Variants in RIMS2 observed in about 807,000 individuals in gnomAD.
The protein encoded by RIMS2 is regulating synaptic membrane exocytosis 2, also known as regulating synaptic membrane exocytosis protein 2.
Under a neutral mutation model 174.4 loss-of-function variants are expected in RIMS2, and 59 were observed. The ratio of observed to expected loss-of-function variants is 0.34; its 90% CI spans 0.27 to 0.42. RIMS2 has a LOEUF of 0.42. RIMS2 is among the 10% of genes least tolerant of loss of function. The probability of loss-of-function intolerance (pLI) is 1.00; values close to 1 mark genes in which losing one functional copy is unlikely to be tolerated. For missense variants in RIMS2, 1,620 were observed against 1,666.3 expected (o/e 0.97, Z 0.48); for synonymous variants, 606 against 572.5 (o/e 1.06, Z -0.84).
At chr8:103,895,113 A>G (rs1401612419) in intron 4 of RIMS2, among the ~76,000 whole-genome samples, 3 of 150,756 alleles carry the variant, frequency 2.0e-5, no homozygotes, top group East Asian at 1.9e-4. Flanking sequence ...ACAATTTATT[A>G]TAGGAAATAA....
intron 19 of RIMS2, among the ~76,000 whole-genome samples, chr8:104,126,273 G>GA (rs1250968617): frequency 6.6e-6 from 1 of 152,110 alleles, no homozygotes; most frequent in Non-Finnish European, 1.5e-5. Flanking sequence ...TGTATAAATG[G>GA]AAAAATAGTT....
At chr8:104,042,096 T>C (rs1477974598) in intron 19 of RIMS2, among the ~76,000 whole-genome samples, 1 of 151,374 alleles carries the variant, frequency 6.6e-6, no homozygotes, top group Non-Finnish European at 1.5e-5. Flanking sequence ...ATAAAATATG[T>C]ATGTACATGT....
intron 3 of RIMS2, among the ~76,000 whole-genome samples, chr8:103,878,005 C>G (rs116732407): frequency 0.025 from 3,845 of 151,688 alleles, 156 homozygotes; most frequent in African/African-American, 0.086. Flanking sequence ...ATTGTAATCC[C>G]CTGGTGTTTA....
At chr8:104,236,066 AT>A (rs10699488) in intron 19 of RIMS2, among the ~76,000 whole-genome samples, 150 of 146,350 alleles carry the variant, frequency 1.0e-3, no homozygotes, top group Admixed American at 1.3e-3. Context: ...AACATTCTGG[AT>A]TTTTTTTTTT....
chr8:103,926,555 T>C (rs1368385233), intron 10 of RIMS2, among the ~76,000 whole-genome samples: 2 of 151,588 alleles, frequency 1.3e-5, no homozygotes, highest in Non-Finnish European at 3.0e-5. Flanking sequence ...TTTAGATTTA[T>C]GTCTTAAATA....
chr8:103,803,634 G>T (rs2098630502), intron 3 of RIMS2, among the ~76,000 whole-genome samples: 1 of 152,200 alleles, frequency 6.6e-6, no homozygotes, highest in Non-Finnish European at 1.5e-5. Flanking sequence ...AGCTAGTAGA[G>T]TATGGCAAAG....
intron 19 of RIMS2, among the ~76,000 whole-genome samples, chr8:104,210,828 T>C (rs1365996465): frequency 6.6e-6 from 1 of 152,244 alleles, no homozygotes; most frequent in Non-Finnish European, 1.5e-5. Context: ...TGAAGCAATA[T>C]GTCCTAATAT....
intron 19 of RIMS2, among the ~76,000 whole-genome samples, chr8:104,151,328 G>A (rs1396642823): frequency 6.6e-6 from 1 of 152,182 alleles, no homozygotes; most frequent in African/African-American, 2.4e-5. Context: ...CAGCACTTTG[G>A]GAGGCCAAGG....
At chr8:103,569,766 G>A (rs2092670004) in intron 1 of RIMS2, among the ~76,000 whole-genome samples, 1 of 151,168 alleles carries the variant, frequency 6.6e-6, no homozygotes, top group East Asian at 1.9e-4. Flanking sequence ...ACAAGCATGT[G>A]CTACTGCCCC....
At chr8:104,071,767 G>A (rs1048881044) in intron 19 of RIMS2, among the ~76,000 whole-genome samples, 1 of 152,150 alleles carries the variant, frequency 6.6e-6, no homozygotes, top group Non-Finnish European at 1.5e-5. Flanking sequence ...TCTATCAGAT[G>A]ATTCTGATGT....
chr8:104,065,151 G>T (rs1370659372), intron 19 of RIMS2, among the ~76,000 whole-genome samples: 1 of 152,016 alleles, frequency 6.6e-6, no homozygotes, highest in Admixed American at 6.6e-5. Flanking sequence ...TTTATTGCAG[G>T]TTTTTGAGGG....
chr8:103,862,855 G>A (rs542270643), intron 3 of RIMS2, among the ~76,000 whole-genome samples: 5 of 151,720 alleles, frequency 3.3e-5, no homozygotes, highest in Non-Finnish European at 7.4e-5. Context: ...TATTTATTAA[G>A]TCTAGGAATC....
intron 19 of RIMS2, among the ~76,000 whole-genome samples, chr8:104,173,233 A>C (rs1439766997): frequency 6.6e-6 from 1 of 152,186 alleles, no homozygotes; most frequent in Non-Finnish European, 1.5e-5. Flanking sequence ...AAATTGTTTA[A>C]AATGAGTATT....
chr8:103,790,724 A>G (rs1158185317), intron 3 of RIMS2, among the ~76,000 whole-genome samples: 1 of 152,140 alleles, frequency 6.6e-6, no homozygotes, highest in Non-Finnish European at 1.5e-5. Context: ...TTCTTTGGAG[A>G]AATATCAAAT....
chr8:103,936,662 A>G lies in RIMS2; in HGVS notation c.2487A>G (p.Leu829=), dbSNP rs2081306867. 4 of 1,611,640 alleles carry G rather than the reference A, an allele frequency of 2.5e-6. No homozygotes were observed. In the South Asian group the frequency reaches 4.4e-5, roughly 18 times the overall value. ...GAAGAGAATTTCGGGAACGAATGCTAGAGATTACCCTTTGGGATCAAGCTC... is the reference window on the plus strand; with the variant it reads ...GAAGAGAATTTCGGGAACGAATGCTGGAGATTACCCTTTGGGATCAAGCTC... Residue 829 remains leucine, a synonymous_variant, in exon 13 of 24, where the codon CTA becomes CTG. Transcript: ENST00000504942.
intron 2 of RIMS2, among the ~76,000 whole-genome samples, chr8:103,718,378 G>GT (rs2138302001): frequency 6.6e-6 from 1 of 152,232 alleles, no homozygotes; most frequent in Admixed American, 6.5e-5. Context: ...CAGTTACCCT[G>GT]TTTTTTCTCA....
At chr8:103,991,083 T>C (rs2154550570) in intron 17 of RIMS2, among the ~76,000 whole-genome samples, 1 of 152,000 alleles carries the variant, frequency 6.6e-6, no homozygotes, top group African/African-American at 2.4e-5. Context: ...TCCTACAATG[T>C]GCATTTTTAT....
chr8:103,854,851 T>A (rs1373913156), intron 3 of RIMS2, among the ~76,000 whole-genome samples: 2 of 152,050 alleles, frequency 1.3e-5, no homozygotes, highest in Admixed American at 6.6e-5. Context: ...TATGTCAGAT[T>A]TTGGTATTAG....
chr8:104,185,188 A>T (rs1377565766), intron 19 of RIMS2, among the ~76,000 whole-genome samples: 2 of 151,506 alleles, frequency 1.3e-5, no homozygotes, highest in Admixed American at 6.6e-5. Flanking sequence ...CCTGAGAATA[A>T]GGCATACGAT....
Sources: allele counts gnomAD v4.1 joint callset (sites outside exome capture counted in the v4.1 genomes callset), GRCh38; gene constraint gnomAD v4.1.1; transcripts MANE v1.5; gene names NCBI Gene and HGNC (gene_info 2026-07-23, HGNC 2026-07-21).